Variants in ADK observed in about 807,000 individuals in gnomAD.
ADK encodes the protein N6,N6-dimethyladenosine kinase.
Under a neutral mutation model 44.7 loss-of-function variants are expected in ADK, and 24 were observed. The ratio of observed to expected loss-of-function variants is 0.54; its 90% CI spans 0.39 to 0.76. The LOEUF (loss-of-function observed/expected upper bound fraction) is 0.76, where lower values mean the gene tolerates loss of function less well. Ranked by LOEUF, ADK falls within the 30% of genes least tolerant of loss-of-function variation. ADK has a pLI of 0.00. For missense variants in ADK, 321 were observed against 425.1 expected (o/e 0.76, Z 2.15); for synonymous variants, 128 against 142.6 (o/e 0.90, Z 0.73).
intron 3 of ADK, among the ~76,000 whole-genome samples, chr10:74,267,137 G>A (rs933619478): frequency 4.6e-5 from 7 of 152,172 alleles, no homozygotes; most frequent in African/African-American, 1.7e-4. Flanking sequence ...ATGTATGCAG[G>A]TTATATGCAA....
chr10:74,275,587 C>T (rs930105217), intron 3 of ADK, among the ~76,000 whole-genome samples: 8 of 152,160 alleles, frequency 5.3e-5, no homozygotes, highest in African/African-American at 1.9e-4. Context: ...GACAAATTAT[C>T]ACAATTCTGA....
intron 2 of ADK, among the ~76,000 whole-genome samples, chr10:74,218,003 T>C (rs2132219413): frequency 6.6e-6 from 1 of 152,054 alleles, no homozygotes; most frequent in South Asian, 2.1e-4. Flanking sequence ...TCACCAGCAA[T>C]GGAACAAAGC....
chr10:74,321,041 A>AT (rs1592043209), intron 4 of ADK, among the ~76,000 whole-genome samples: 1 of 152,176 alleles, frequency 6.6e-6, no homozygotes, highest in East Asian at 1.9e-4. Flanking sequence ...CAGAAGCCTG[A>AT]TGGTGAGCTT....
chr10:74,589,194 A>G (rs940899054), intron 7 of ADK, 88 bp from the exon 8 acceptor site: 18 of 1,180,954 alleles, frequency 1.5e-5, no homozygotes, highest in Non-Finnish European at 1.9e-5. Context: ...TTGTGTAAAG[A>G]AGAAGACTGA....
At chr10:74,268,772 A>G (rs977373569) in intron 3 of ADK, among the ~76,000 whole-genome samples, 2 of 152,210 alleles carry the variant, frequency 1.3e-5, no homozygotes, top group Non-Finnish European at 2.9e-5. Context: ...GTTGGTAGAT[A>G]TTGTCCAATT....
intron 10 of ADK, among the ~76,000 whole-genome samples, chr10:74,677,465 ATTC>A (rs1050926625): frequency 1.7e-4 from 26 of 152,168 alleles, no homozygotes; most frequent in African/African-American, 6.3e-4. Context: ...TTCCTTCCCC[ATTC>A]TTCTTAATTG....
chr10:74,303,923 C>T (rs1047978263), intron 3 of ADK, among the ~76,000 whole-genome samples: 1 of 150,190 alleles, frequency 6.7e-6, no homozygotes, highest in African/African-American at 2.5e-5. Context: ...GAGCTGAGAT[C>T]GCACCATTGC....
chr10:74,412,375 A>G (rs1844213226), intron 6 of ADK, among the ~76,000 whole-genome samples: 1 of 152,104 alleles, frequency 6.6e-6, no homozygotes, highest in African/African-American at 2.4e-5. Flanking sequence ...TGCTGGGCTT[A>G]AGTGATCCTC....
chr10:74,371,829 A>G (rs1017639436), intron 4 of ADK: 18 of 1,277,554 alleles, frequency 1.4e-5, no homozygotes, highest in African/African-American at 8.7e-5. Context: ...AGCCACTCCA[A>G]TTGTTGGCCA....
chr10:74,566,344 C>T (rs928061807), intron 7 of ADK, among the ~76,000 whole-genome samples: 2 of 151,694 alleles, frequency 1.3e-5, no homozygotes, highest in Admixed American at 1.3e-4. Context: ...GTAGCTGGGA[C>T]CACAGACATG....
At chr10:74,558,918 A>G (rs1371638282) in intron 7 of ADK, among the ~76,000 whole-genome samples, 1 of 152,214 alleles carries the variant, frequency 6.6e-6, no homozygotes, top group Non-Finnish European at 1.5e-5. Flanking sequence ...CATCTGTCTC[A>G]GGAAGACTTA....
chr10:74,673,052 T>C (rs920393351), intron 10 of ADK, among the ~76,000 whole-genome samples: 2 of 152,158 alleles, frequency 1.3e-5, no homozygotes, highest in Admixed American at 1.3e-4. Context: ...CAAAAGCTGG[T>C]TTTGCCAGAG....
chr10:74,236,152 A>C (rs1186019138), intron 3 of ADK, among the ~76,000 whole-genome samples: 1 of 152,238 alleles, frequency 6.6e-6, no homozygotes, highest in African/African-American at 2.4e-5. Context: ...CTCTTCAAAG[A>C]TGTTTTCTCA....
At chr10:74,206,631 A>G (rs1412154326) in intron 2 of ADK, among the ~76,000 whole-genome samples, 1 of 152,236 alleles carries the variant, frequency 6.6e-6, no homozygotes, top group Non-Finnish European at 1.5e-5. Flanking sequence ...TCACACATAT[A>G]TAATCAGTGT....
At chr10:74,284,666 C>T (rs1295030310) in intron 3 of ADK, among the ~76,000 whole-genome samples, 2 of 152,218 alleles carry the variant, frequency 1.3e-5, no homozygotes, top group Non-Finnish European at 2.9e-5. Context: ...CTCTCCAACT[C>T]CCTACTCCTA....
chr10:74,287,123 A>G (rs1847195930), intron 3 of ADK, among the ~76,000 whole-genome samples: 1 of 152,178 alleles, frequency 6.6e-6, no homozygotes, highest in South Asian at 2.1e-4. Flanking sequence ...AGATAGCAAT[A>G]CAAGAATTAT....
intron 4 of ADK, among the ~76,000 whole-genome samples, chr10:74,386,511 T>C (rs1350799467): frequency 2.0e-5 from 3 of 152,236 alleles, no homozygotes; most frequent in African/African-American, 7.2e-5. Context: ...GTTATGAAGT[T>C]TAATATGCCA....
intron 9 of ADK, among the ~76,000 whole-genome samples, chr10:74,641,952 C>T (rs1853859684): frequency 1.3e-5 from 2 of 152,170 alleles, no homozygotes; most frequent in South Asian, 4.1e-4. Flanking sequence ...GAGGCTCTTT[C>T]AAGGAATCTC....
intron 7 of ADK, among the ~76,000 whole-genome samples, chr10:74,551,998 A>T (rs2133783098): frequency 8.8e-6 from 1 of 113,640 alleles, no homozygotes; most frequent in African/African-American, 5.0e-5. Flanking sequence ...AATAGTTGCT[A>T]TACCATGGTT....
Sources: gnomAD v4.1 joint callset for allele counts (sites outside exome capture counted in the v4.1 genomes callset) on GRCh38, gnomAD v4.1.1 for gene constraint, MANE v1.5 for transcripts, NCBI Gene and HGNC (gene_info 2026-07-23, HGNC 2026-07-21) for gene names.